Variants in KCNIP1 observed in about 807,000 individuals in gnomAD.
The protein encoded by KCNIP1 is A-type potassium channel modulatory protein KCNIP1.
KCNIP1 carries 18 observed loss-of-function variants against 33.0 expected under a neutral mutation model. The ratio of observed to expected loss-of-function variants is 0.55; its 90% CI spans 0.38 to 0.81. KCNIP1 has a LOEUF of 0.81. Ranked by LOEUF, KCNIP1 falls within the 30% of genes least tolerant of loss-of-function variation. KCNIP1 has a pLI of 0.00. For synonymous variants in KCNIP1, 93 were observed against 98.3 expected, an observed-to-expected ratio of 0.95 and a Z score of 0.32; for missense variants, 238 against 271.6, an observed-to-expected ratio of 0.88 and a Z score of 0.87.
At chr5:170,462,313 G>GCTAAGGACA (rs1385744244) in intron 1 of KCNIP1, among the ~76,000 whole-genome samples, 1 of 148,604 alleles carries the variant, frequency 6.7e-6, no homozygotes. Context: ...CAAAAATTGG[G>GCTAAGGACA]CTAAGGACAT....
chr5:170,628,213 C>T (rs750697913), intron 1 of KCNIP1, among the ~76,000 whole-genome samples: 7 of 152,272 alleles, frequency 4.6e-5, no homozygotes, highest in Admixed American at 2.6e-4. Context: ...TAACCACAGC[C>T]GGTAGCCAGC....
intron 1 of KCNIP1, among the ~76,000 whole-genome samples, chr5:170,516,589 C>G (rs1755131191): frequency 6.6e-6 from 1 of 152,188 alleles, no homozygotes; most frequent in Non-Finnish European, 1.5e-5. Context: ...AGCATATTCA[C>G]AAGATACGAA....
chr5:170,510,985 C>A (rs116081688), intron 1 of KCNIP1, among the ~76,000 whole-genome samples: 1,826 of 152,148 alleles, frequency 0.012, 28 homozygotes, highest in African/African-American at 0.041. Flanking sequence ...TCAAGGTGGA[C>A]AGATCACGAG....
At chr5:170,408,213 A>C (rs1385463703) in intron 1 of KCNIP1, among the ~76,000 whole-genome samples, 1 of 152,186 alleles carries the variant, frequency 6.6e-6, no homozygotes, top group Admixed American at 6.5e-5. Flanking sequence ...TAGATAAAAG[A>C]TGGTTACTAG....
intron 1 of KCNIP1, among the ~76,000 whole-genome samples, chr5:170,477,694 G>A (rs1283911346): frequency 2.6e-5 from 4 of 152,040 alleles, no homozygotes; most frequent in East Asian, 1.9e-4. Context: ...TGCCTGCCTC[G>A]GCCTCCCAAA....
At chr5:170,658,198 T>C (rs1761342944) in intron 1 of KCNIP1, among the ~76,000 whole-genome samples, 1 of 152,088 alleles carries the variant, frequency 6.6e-6, no homozygotes, top group African/African-American at 2.4e-5. Flanking sequence ...ACACTGAAAC[T>C]AGGCAATTTA....
chr5:170,416,310 C>A (rs1349612742), intron 1 of KCNIP1, among the ~76,000 whole-genome samples: 1 of 152,146 alleles, frequency 6.6e-6, no homozygotes, highest in Non-Finnish European at 1.5e-5. Context: ...AGTGCTCAGC[C>A]CACCCCTCTA....
chr5:170,724,017 G>T (rs2113879429), intron 5 of KCNIP1, among the ~76,000 whole-genome samples: 1 of 152,308 alleles, frequency 6.6e-6, no homozygotes. Flanking sequence ...GAGGGCTAGG[G>T]TAAGGGGCCC....
At chr5:170,395,525 G>T (rs1423356336) in intron 1 of KCNIP1, among the ~76,000 whole-genome samples, 2 of 152,220 alleles carry the variant, frequency 1.3e-5, no homozygotes, top group African/African-American at 4.8e-5. Flanking sequence ...GCTATGGGCA[G>T]ACCTGTTTTA....
chr5:170,403,607 C>T (rs566722543), intron 1 of KCNIP1, among the ~76,000 whole-genome samples: 1 of 152,170 alleles, frequency 6.6e-6, no homozygotes, highest in Non-Finnish European at 1.5e-5. Flanking sequence ...CTTTGGAGGA[C>T]AGTGGCTTTT....
chr5:170,569,331 C>T (rs1161840490), intron 1 of KCNIP1, among the ~76,000 whole-genome samples: 1 of 152,250 alleles, frequency 6.6e-6, no homozygotes, highest in Non-Finnish European at 1.5e-5. Flanking sequence ...AGGGGCTTTC[C>T]CGGACCAGCT....
intron 1 of KCNIP1, among the ~76,000 whole-genome samples, chr5:170,688,630 A>C (rs1762620985): frequency 6.6e-6 from 1 of 152,168 alleles, no homozygotes; most frequent in Non-Finnish European, 1.5e-5. Flanking sequence ...GGATGGACTA[A>C]GCCATGTCAC....
At chr5:170,368,424 C>A (rs1440412635) in intron 1 of KCNIP1, among the ~76,000 whole-genome samples, 4 of 152,064 alleles carry the variant, frequency 2.6e-5, no homozygotes, top group Non-Finnish European at 1.5e-5. Context: ...GCCACCACAG[C>A]CAGCTAATTT....
chr5:170,450,393 A>G (rs1756221225), intron 1 of KCNIP1, among the ~76,000 whole-genome samples: 1 of 152,120 alleles, frequency 6.6e-6, no homozygotes, highest in South Asian at 2.1e-4. Context: ...TCACAAATCA[A>G]GATGTTCAGT....
At position 170,480,597 on chromosome 5, in the gene KCNIP1, G is replaced by A. The variant is rs1756955367; in HGVS notation, c.88+126633G>A. ...GTTCAAGAGATTCTCATGCCACCAC[G>A]CCTGGTTAATTTTTTGTATTTTTTG... On this transcript the variant is annotated intron_variant, in intron 1 of 7. Coordinates refer to the KCNIP1 transcript ENST00000377360. 4.6e-5 allele frequency among the ~76,000 whole-genome samples: 7 copies of A among 150,826 alleles called. No homozygotes were observed. The South Asian group carries it at 1.3e-3, about 27-fold the overall frequency.
chr5:170,367,349 A>G (rs868227884), intron 1 of KCNIP1, among the ~76,000 whole-genome samples: 5 of 76,946 alleles, frequency 6.5e-5, no homozygotes, highest in South Asian at 1.0e-3. Flanking sequence ...GAAGGAAAGA[A>G]AAAGAAAGAA....
chr5:170,597,915 C>T (rs1308910811), intron 1 of KCNIP1, among the ~76,000 whole-genome samples: 4 of 150,246 alleles, frequency 2.7e-5, no homozygotes, highest in Non-Finnish European at 5.9e-5. Flanking sequence ...ATAAATGCAC[C>T]GAATCCGATT....
intron 1 of KCNIP1, chr5:170,712,735 G>A (rs1020415738): frequency 3.0e-4 from 272 of 911,024 alleles, no homozygotes; most frequent in Non-Finnish European, 2.7e-4. Context: ...GAGGCTCTTC[G>A]CATATGTCAA....
At chr5:170,553,193 C>T (rs1047701374) in intron 1 of KCNIP1, among the ~76,000 whole-genome samples, 2 of 152,252 alleles carry the variant, frequency 1.3e-5, no homozygotes, top group African/African-American at 4.8e-5. Context: ...TGAGGGACAC[C>T]TCTGTCGAAT....
Sources: gnomAD v4.1 joint callset for allele counts (sites outside exome capture counted in the v4.1 genomes callset) on GRCh38, gnomAD v4.1.1 for gene constraint, MANE v1.5 for transcripts, NCBI Gene and HGNC (gene_info 2026-07-23, HGNC 2026-07-21) for gene names.